Variants in PPP3CA observed in about 807,000 individuals in gnomAD.
PPP3CA encodes the protein protein phosphatase 3 catalytic subunit alpha.
A neutral mutation model predicts 66.5 loss-of-function variants in PPP3CA; 14 were observed. The observed-to-expected ratio is 0.21, with a 90% confidence interval of 0.14 to 0.33. The LOEUF (loss-of-function observed/expected upper bound fraction) is 0.33, where lower values mean the gene tolerates loss of function less well. Ranked by LOEUF, PPP3CA falls within the 10% of genes least tolerant of loss-of-function variation. The probability of loss-of-function intolerance (pLI) is 1.00; values close to 1 mark genes in which losing one functional copy is unlikely to be tolerated. For missense variants in PPP3CA, 317 were observed against 639.5 expected (o/e 0.50, Z 5.44); for synonymous variants, 232 against 226.2 (o/e 1.03, Z -0.23).
intron 1 of PPP3CA, among the ~76,000 whole-genome samples, chr4:101,270,634 T>A (rs1048308891): frequency 6.6e-6 from 1 of 152,190 alleles, no homozygotes; most frequent in Non-Finnish European, 1.5e-5. Context: ...CTTCTAGAAA[T>A]GATACATCTG....
chr4:101,213,765 C>T (rs1422299065), intron 1 of PPP3CA, among the ~76,000 whole-genome samples: 1 of 152,058 alleles, frequency 6.6e-6, no homozygotes. Flanking sequence ...GTGGGCAGAG[C>T]CACGACATAA....
intron 1 of PPP3CA, among the ~76,000 whole-genome samples, chr4:101,281,278 A>T (rs971133580): frequency 6.6e-6 from 1 of 152,226 alleles, no homozygotes; most frequent in African/African-American, 2.4e-5. Flanking sequence ...TTTTGCTCTG[A>T]AGAGAAATGC....
intron 1 of PPP3CA, among the ~76,000 whole-genome samples, chr4:101,233,357 G>A (rs774152582): frequency 1.3e-5 from 2 of 151,656 alleles, no homozygotes; most frequent in Admixed American, 6.6e-5. Flanking sequence ...CCAACTGCTC[G>A]CTCTTTGACA....
intron 1 of PPP3CA, among the ~76,000 whole-genome samples, chr4:101,243,748 T>C (rs547037519): frequency 1.3e-5 from 2 of 152,304 alleles, no homozygotes; most frequent in East Asian, 1.9e-4. Context: ...GGACTGTATA[T>C]GGTTAAGAAT....
intron 2 of PPP3CA, among the ~76,000 whole-genome samples, chr4:101,131,520 T>C (rs774738199): frequency 1.0e-4 from 15 of 149,632 alleles, no homozygotes; most frequent in Non-Finnish European, 1.6e-4. Context: ...CATTACATAA[T>C]GGTAAAGGGA....
At chr4:101,262,327 G>C (rs1727035413) in intron 1 of PPP3CA, among the ~76,000 whole-genome samples, 1 of 152,004 alleles carries the variant, frequency 6.6e-6, no homozygotes, top group South Asian at 2.1e-4. Context: ...GTCTGGTAAT[G>C]TCTTAATTCA....
At chr4:101,067,607 C>A (rs1260508991) in intron 8 of PPP3CA, among the ~76,000 whole-genome samples, 1 of 144,682 alleles carries the variant, frequency 6.9e-6, no homozygotes, top group Non-Finnish European at 1.5e-5. Flanking sequence ...TCTACAATTT[C>A]CATCACCCAG....
chr4:101,154,528 TA>T (rs1197699891), intron 2 of PPP3CA, among the ~76,000 whole-genome samples: 1 of 152,230 alleles, frequency 6.6e-6, no homozygotes, highest in Non-Finnish European at 1.5e-5. Context: ...CCAACACATC[TA>T]AAAATTACCT....
At chr4:101,097,914 T>C (rs1351293935) in intron 5 of PPP3CA, among the ~76,000 whole-genome samples, 2 of 152,192 alleles carry the variant, frequency 1.3e-5, no homozygotes, top group Admixed American at 1.3e-4. Flanking sequence ...ATCACTGTCC[T>C]TGTTAGATTG....
chr4:101,183,199 T>A (rs567059471), intron 2 of PPP3CA, among the ~76,000 whole-genome samples: 1 of 152,212 alleles, frequency 6.6e-6, no homozygotes, highest in East Asian at 1.9e-4. Flanking sequence ...GGCCCTTCTG[T>A]CTTGTTGCTC....
intron 2 of PPP3CA, among the ~76,000 whole-genome samples, chr4:101,118,956 A>AT (rs201507463): frequency 0.03 from 3,833 of 129,898 alleles, 74 homozygotes; most frequent in Non-Finnish European, 0.035. Flanking sequence ...GAACTTACAG[A>AT]TTTTTTTTTT....
chr4:101,085,970 G>A (rs941717838), intron 6 of PPP3CA, among the ~76,000 whole-genome samples: 1 of 152,086 alleles, frequency 6.6e-6, no homozygotes, highest in African/African-American at 2.4e-5. Context: ...TAATTTAGCA[G>A]AGGCCCAGTG....
intron 2 of PPP3CA, among the ~76,000 whole-genome samples, chr4:101,139,615 G>A (rs575058624): frequency 6.6e-6 from 1 of 151,500 alleles, no homozygotes; most frequent in South Asian, 2.1e-4. Context: ...CCAGGAAAGA[G>A]TGAACATGAA....
intron 2 of PPP3CA, among the ~76,000 whole-genome samples, chr4:101,120,099 C>G (rs1721978502): frequency 6.6e-6 from 1 of 151,882 alleles, no homozygotes; most frequent in Non-Finnish European, 1.5e-5. Flanking sequence ...GGCATTGAAC[C>G]CATTTATTAA....
intron 8 of PPP3CA, among the ~76,000 whole-genome samples, chr4:101,073,228 C>CGT (rs74947807): frequency 0.081 from 11,700 of 143,688 alleles, 1,473 homozygotes; most frequent in African/African-American, 0.27. Flanking sequence ...TATATATATA[C>CGT]GTGTGTGTGT....
intron 1 of PPP3CA, among the ~76,000 whole-genome samples, chr4:101,316,616 T>C (rs1263226438): frequency 6.6e-6 from 1 of 152,206 alleles, no homozygotes; most frequent in Non-Finnish European, 1.5e-5. Flanking sequence ...AAATTATTCT[T>C]ATATCCAAAA....
chr4:101,046,146 C>T (rs1166856506), intron 10 of PPP3CA, among the ~76,000 whole-genome samples: 1 of 152,166 alleles, frequency 6.6e-6, no homozygotes, highest in Non-Finnish European at 1.5e-5. Flanking sequence ...CATCTCTCTT[C>T]TCCACCAAAT....
intron 1 of PPP3CA, among the ~76,000 whole-genome samples, chr4:101,237,978 C>T (rs769841890): frequency 8.6e-5 from 13 of 151,992 alleles, no homozygotes; most frequent in Non-Finnish European, 1.9e-4. Context: ...CTATTCCTAC[C>T]GCATCAAAGT....
intron 1 of PPP3CA, among the ~76,000 whole-genome samples, chr4:101,338,741 C>G (rs1729716029): frequency 6.6e-6 from 1 of 152,148 alleles, no homozygotes; most frequent in South Asian, 2.1e-4. Flanking sequence ...ACTGAATGAT[C>G]AGGAGAACAT....
Sources: gnomAD v4.1 joint callset for allele counts (sites outside exome capture counted in the v4.1 genomes callset) on GRCh38, gnomAD v4.1.1 for gene constraint, MANE v1.5 for transcripts, NCBI Gene and HGNC (gene_info 2026-07-23, HGNC 2026-07-21) for gene names.